The following RBFOX1 variants were observed in gnomAD, a reference collection of about 807,000 sequenced individuals.
RBFOX1 encodes the protein RNA binding protein fox-1 homolog 1.
RBFOX1 carries 8 observed loss-of-function variants against 57.7 expected under a neutral mutation model. That is an observed-to-expected ratio of 0.14 (90% CI 0.08 to 0.25). The LOEUF is 0.25. Ranked by LOEUF, RBFOX1 falls within the 10% of genes least tolerant of loss-of-function variation. The probability of loss-of-function intolerance (pLI) is 1.00; values close to 1 mark genes in which losing one functional copy is unlikely to be tolerated. For missense variants in RBFOX1, 611 were observed against 548.5 expected (o/e 1.11, Z -1.14); for synonymous variants, 326 against 222.4 (o/e 1.47, Z -4.15).
At chr16:5,806,485 G>A (rs897099617) in intron 3 of RBFOX1, among the ~76,000 whole-genome samples, 1 of 152,200 alleles carries the variant, frequency 6.6e-6, no homozygotes, top group East Asian at 1.9e-4. Context: ...ATTCATGAGG[G>A]CTGTGCTTGC....
intron 2 of RBFOX1, chr16:6,483,217 C>T (rs2095402357): frequency 8.2e-7 from 1 of 1,213,854 alleles, no homozygotes; most frequent in South Asian, 2.7e-5. Context: ...GCCGGGGAAG[C>T]CGGACCCGGG....
intron 3 of RBFOX1, among the ~76,000 whole-genome samples, chr16:7,001,030 A>G (rs931705734): frequency 3.3e-5 from 5 of 152,156 alleles, no homozygotes; most frequent in Non-Finnish European, 5.9e-5. Context: ...CATTTATTAG[A>G]TAGAATACTT....
intron 3 of RBFOX1, among the ~76,000 whole-genome samples, chr16:5,691,893 C>G (rs1294217660): frequency 1.3e-5 from 2 of 152,156 alleles, no homozygotes; most frequent in Non-Finnish European, 2.9e-5. Context: ...CAAGCCAGAG[C>G]TTCTTGTACT....
chr16:6,858,078 T>C (rs780726065), intron 3 of RBFOX1, among the ~76,000 whole-genome samples: 8 of 152,192 alleles, frequency 5.3e-5, no homozygotes, highest in African/African-American at 1.7e-4. Flanking sequence ...AAGTTTTTCA[T>C]TGATGTTTCT....
At chr16:6,562,979 A>C (rs191568884) in intron 2 of RBFOX1, among the ~76,000 whole-genome samples, 22 of 147,806 alleles carry the variant, frequency 1.5e-4, no homozygotes, top group Non-Finnish European at 1.9e-4. Flanking sequence ...CTTCTGTGCA[A>C]TGTACCTTCC....
intron 1 of RBFOX1, chr16:5,240,130 C>T (rs2062126366): frequency 1.8e-5 from 24 of 1,331,180 alleles, no homozygotes; most frequent in Non-Finnish European, 2.5e-5. Flanking sequence ...CGCGGGGGTC[C>T]GGGGGTGCCG....
At chr16:6,304,320 T>C (rs2079186138) in intron 1 of RBFOX1, among the ~76,000 whole-genome samples, 1 of 152,012 alleles carries the variant, frequency 6.6e-6, no homozygotes, top group Non-Finnish European at 1.5e-5. Flanking sequence ...GAACAGAAGT[T>C]CCATGCATTC....
Position 5,264,315 on chromosome 16 carries a change from G to C in RBFOX1, c.219+24210G>C, listed in dbSNP as rs141131857. Among the ~76,000 whole-genome samples the C allele has an allele frequency of 5.2e-3, 796 of 152,306 alleles. 3 individuals are homozygous for C. Among genetic ancestry groups the C allele is most frequent in the African/African-American group, 0.019 (772 of 41,562 alleles). On this transcript the variant is annotated intron_variant, in intron 1 of 2. Transcript: ENST00000585867. ...GTGAGGATGCTGCAGTTGGATGTCT[G>C]TGCATTGATGGTGAGAACGTGGTCA...
At chr16:6,663,794 A>G (rs2098715601) in intron 3 of RBFOX1, among the ~76,000 whole-genome samples, 1 of 152,198 alleles carries the variant, frequency 6.6e-6, no homozygotes, top group African/African-American at 2.4e-5. Context: ...TTTAAGTTTG[A>G]GTCTGAAGGG....
intron 3 of RBFOX1, among the ~76,000 whole-genome samples, chr16:6,734,044 C>T (rs1471546457): frequency 6.6e-6 from 1 of 152,334 alleles, no homozygotes; most frequent in East Asian, 1.9e-4. Context: ...ATGTTTCTTG[C>T]CATGGTCATT....
chr16:6,478,421 ATATATATATTTTTTT>A (rs1233294689), intron 2 of RBFOX1, among the ~76,000 whole-genome samples: 26 of 12,434 alleles, frequency 2.1e-3, no homozygotes, highest in African/African-American at 5.7e-3. Context: ...ATATATATAT[ATATATATATTTTTTT>A]TTTTTTTTTT....
intron 2 of RBFOX1, among the ~76,000 whole-genome samples, chr16:6,383,595 A>C (rs1432725336): frequency 6.6e-6 from 1 of 152,100 alleles, no homozygotes; most frequent in Non-Finnish European, 1.5e-5. Context: ...CAACATGGTG[A>C]AACCCCGTGT....
chr16:7,620,335 C>A (rs1455695140), intron 10 of RBFOX1, among the ~76,000 whole-genome samples: 3 of 152,098 alleles, frequency 2.0e-5, no homozygotes, highest in African/African-American at 7.2e-5. Context: ...AGAGTTTTAC[C>A]CAAAGTCAAC....
intron 2 of RBFOX1, among the ~76,000 whole-genome samples, chr16:6,375,986 CCT>C (rs2091125852): frequency 6.6e-6 from 1 of 152,146 alleles, no homozygotes; most frequent in Non-Finnish European, 1.5e-5. Flanking sequence ...TCCAGCTCCC[CCT>C]CTGTTTTGTT....
At chr16:7,020,726 G>A (rs956693555) in intron 3 of RBFOX1, among the ~76,000 whole-genome samples, 9 of 152,218 alleles carry the variant, frequency 5.9e-5, no homozygotes, top group Non-Finnish European at 1.2e-4. Flanking sequence ...GGAGGGAAAT[G>A]TCCTTCCCTC....
intron 3 of RBFOX1, among the ~76,000 whole-genome samples, chr16:6,977,537 T>C (rs1183240942): frequency 6.6e-6 from 1 of 152,096 alleles, no homozygotes; most frequent in Non-Finnish European, 1.5e-5. Context: ...GGAGTCACTG[T>C]AGTTCGAAGA....
chr16:6,916,318 G>T (rs28713327), intron 3 of RBFOX1, among the ~76,000 whole-genome samples: 1,771 of 152,268 alleles, frequency 0.012, 34 homozygotes, highest in African/African-American at 0.04. Context: ...TTGATGGACA[G>T]TTGGGTTGTT....
Position 6,327,407 on chromosome 16 carries a change from T to G in RBFOX1, c.-64+10350T>G, listed in dbSNP as rs146967624. Among the ~76,000 whole-genome samples, 490 of 152,274 alleles carry G rather than the reference T, an allele frequency of 3.2e-3. 5 individuals are homozygous for G. The highest frequency in any genetic ancestry group is 0.011 in the African/African-American group (463 of 41,554). ...ATAGAGTTTTCATCTTTGGGATAAG[T>G]GCCTGAGAAGTATAAGTCAAAGGAT... On this transcript the variant is annotated intron_variant, in intron 2 of 15. Coordinates refer to ENST00000550418, the MANE Select transcript of RBFOX1 (RefSeq NM_018723.4).
intron 4 of RBFOX1, among the ~76,000 whole-genome samples, chr16:6,006,056 G>A (rs191737335): frequency 6.6e-6 from 1 of 152,350 alleles, no homozygotes; most frequent in Admixed American, 6.5e-5. Flanking sequence ...TATAGGTGGT[G>A]CAGAGGTTGA....
Sources: allele counts gnomAD v4.1 joint callset (sites outside exome capture counted in the v4.1 genomes callset), GRCh38; gene constraint gnomAD v4.1.1; transcripts MANE v1.5; gene names NCBI Gene and HGNC (gene_info 2026-07-23, HGNC 2026-07-21).